OPRPN: variants seen among roughly 807,000 people sequenced by gnomAD.
OPRPN encodes the protein opiorphin prepropeptide, also known as basic proline-rich lacrimal protein.
OPRPN carries 1 observed loss-of-function variant against 2.2 expected under a neutral mutation model. The observed-to-expected ratio is 0.45, with a 90% CI of 0.16 to 2.15. The LOEUF (loss-of-function observed/expected upper bound fraction) is 2.15. Ranked by LOEUF, OPRPN falls within the 30% of genes most tolerant of loss-of-function variation. The pLI is 0.28. For missense variants in OPRPN, 306 were observed against 297.3 expected (o/e 1.03, Z -0.21); for synonymous variants, 126 against 111.5 (o/e 1.13, Z -0.82).
intron 1 of OPRPN, among the ~76,000 whole-genome samples, chr4:70,398,538 C>G (rs935901486): frequency 6.6e-6 from 1 of 151,870 alleles, no homozygotes; most frequent in African/African-American, 2.4e-5. Context: ...ATGACAGATA[C>G]CACATAAACC....
rs867980290 is a variant in OPRPN at position 70,409,942 on chromosome 4, C to T, written c.614C>T (p.Thr205Ile). 2 of 1,614,090 alleles carry T rather than the reference C, an allele frequency of 1.2e-6. No homozygotes were observed. The highest frequency in any genetic ancestry group is 8.5e-7 in the Non-Finnish European group (1 of 1,179,924). Reference protein sequence around the residue: ...ATPAASTENTTQILANRPHTV... With the variant: ...ATPAASTENTIQILANRPHTV... ...CCCGCAGCATCTACTGAAAATACTACTCAAATTCTCGCCAACCGTCCTCAC... is the reference window on the plus strand; with the variant it reads ...CCCGCAGCATCTACTGAAAATACTATTCAAATTCTCGCCAACCGTCCTCAC... The change falls in exon 3 of 3, where the codon ACT becomes ATT. Residue 205 changes from threonine (T) to isoleucine (I), a missense_variant. Thr to Ile is a moderately conservative substitution (Grantham distance 89). Transcript: ENST00000399575.
chr4:70,410,180 AGTAT>A lies in OPRPN; in HGVS notation c.*106_*109del. The A allele has an allele frequency of 1.2e-6, 1 of 816,630 alleles. No homozygotes were observed. Among genetic ancestry groups the A allele is most frequent in the Non-Finnish European group, 1.8e-6 (1 of 546,730 alleles). The allele number at this position is 816,630 out of a possible 1,614,324, so 50.6% of individuals were successfully genotyped here. A position where few individuals can be genotyped will look rare whatever the true frequency, so the allele number is the denominator to read the frequency against. On this transcript the variant is annotated 3_prime_UTR_variant, in exon 3 of 3. Transcript: ENST00000399575. ...CTGATCTAACCAGCACACTAAATAA[AGTAT>A]TTGAGCAATAATATGCACCTATTGC... is the stretch of plus-strand genomic sequence containing the variant.
intron 2 of OPRPN, among the ~76,000 whole-genome samples, chr4:70,405,940 CTCCTGTGG>C (rs1355305523): frequency 3.9e-5 from 6 of 152,034 alleles, no homozygotes; most frequent in African/African-American, 1.4e-4. Context: ...TGGTGGTGCA[CTCCTGTGG>C]TCACAGCTAC....
intron 2 of OPRPN, among the ~76,000 whole-genome samples, chr4:70,406,289 T>A (rs1733089252): frequency 6.6e-6 from 1 of 151,522 alleles, no homozygotes; most frequent in African/African-American, 2.4e-5. Flanking sequence ...AGGCACTGAC[T>A]AAGATACTAA....
At position 70,398,376 on chromosome 4, in the gene OPRPN, G is replaced by T. The variant is rs116649743; in HGVS notation, c.-16+336G>T. Among the ~76,000 whole-genome samples, 495 of 151,906 alleles carry T rather than the reference G, an allele frequency of 3.3e-3. 8 individuals are homozygous for T. The highest frequency in any genetic ancestry group is 0.011 in the African/African-American group (454 of 41,494). On this transcript the variant is annotated intron_variant, in intron 1 of 2. Coordinates refer to ENST00000399575, the MANE Select transcript of OPRPN (RefSeq NM_021225.5). ...ATTAAGTTAGATTTGCATTTTTGTT[G>T]TTCTTGTTTGAGTTAGGTTTCTTAT... is the stretch of plus-strand genomic sequence containing the variant.
chr4:70,408,314 A>G (rs2109772646), intron 2 of OPRPN, among the ~76,000 whole-genome samples: 1 of 152,198 alleles, frequency 6.6e-6, no homozygotes, highest in South Asian at 2.1e-4. Context: ...AATAGAACCT[A>G]TATTTTCTTG....
intron 2 of OPRPN, among the ~76,000 whole-genome samples, chr4:70,405,035 T>C (rs763077286): frequency 1.3e-5 from 2 of 152,206 alleles, no homozygotes; most frequent in Non-Finnish European, 2.9e-5. Context: ...AGAAGTATAT[T>C]ACAAAAGTAT....
At chr4:70,400,380 A>T (rs1732951801) in intron 2 of OPRPN, among the ~76,000 whole-genome samples, 1 of 152,004 alleles carries the variant, frequency 6.6e-6, no homozygotes, top group Non-Finnish European at 1.5e-5. Flanking sequence ...ATATTTAATG[A>T]CATCTGTATT....
At position 70,409,536 on chromosome 4, in the gene OPRPN, G is replaced by A. The variant is rs1312853995; in HGVS notation, c.208G>A (p.Val70Ile). 2 of 1,613,878 alleles carry A rather than the reference G, an allele frequency of 1.2e-6. No individual in the cohort carries two copies. The highest frequency in any genetic ancestry group is 1.3e-5 in the African/African-American group (1 of 74,962). ...PLSLPFVPGR[V>I]PPSSFSRFSQ... Reference sequence around the variant, plus strand: ...TTCTCTTCCCTTTGTCCCAGGGCGAGTTCCACCATCTTCTTTCTCTCGATT... The same window carrying A: ...TTCTCTTCCCTTTGTCCCAGGGCGAATTCCACCATCTTCTTTCTCTCGATT... Residue 70 changes from valine (V) to isoleucine (I), a missense_variant, in exon 3 of 3, where the codon GTT becomes ATT. Coordinates refer to ENST00000399575, the MANE Select transcript of OPRPN (RefSeq NM_021225.5).
At position 70,404,738 on chromosome 4, in the gene OPRPN, C is replaced by A. The variant is rs1391081253; in HGVS notation, c.52-4642C>A. ...CCATAAGACTTAGAAGGCGGGGATACAAAGTCCTTACCCCTACCTACAAGA... is the reference window on the plus strand; with the variant it reads ...CCATAAGACTTAGAAGGCGGGGATAAAAAGTCCTTACCCCTACCTACAAGA... On this transcript the variant is annotated intron_variant, in intron 2 of 2. Transcript: ENST00000399575. Among the ~76,000 whole-genome samples the A allele has an allele frequency of 5.9e-5, 9 of 152,168 alleles. No individual in the cohort carries two copies. In the East Asian group the frequency reaches 1.7e-3, roughly 29 times the overall value.
At chr4:70,404,080 T>C (rs80301293) in intron 2 of OPRPN, among the ~76,000 whole-genome samples, 2,614 of 152,282 alleles carry the variant, frequency 0.017, 58 homozygotes, top group African/African-American at 0.052. Flanking sequence ...CTTCTTTTCC[T>C]GTTCTGTCTT....
At chr4:70,401,168 G>T (rs1022703782) in intron 2 of OPRPN, among the ~76,000 whole-genome samples, 20 of 151,996 alleles carry the variant, frequency 1.3e-4, no homozygotes, top group African/African-American at 4.8e-4. Context: ...AAAGAGTATA[G>T]AATCCCATTT....
chr4:70,400,068 C>T (rs1488478459), intron 2 of OPRPN, among the ~76,000 whole-genome samples: 3 of 151,816 alleles, frequency 2.0e-5, no homozygotes, highest in Admixed American at 6.6e-5. Context: ...TAGCATGATA[C>T]GAATTTCAGA....
chr4:70,408,207 G>C (rs1733133943), intron 2 of OPRPN, among the ~76,000 whole-genome samples: 1 of 152,194 alleles, frequency 6.6e-6, no homozygotes, highest in Admixed American at 6.5e-5. Context: ...ATATGGCAGA[G>C]ACACAGGAAG....
intron 2 of OPRPN, chr4:70,399,545 T>A: frequency 2.1e-6 from 1 of 470,960 alleles, no homozygotes; most frequent in South Asian, 3.4e-5. Flanking sequence ...GACAGTGGAC[T>A]GCAGGAAGAG....
intron 2 of OPRPN, among the ~76,000 whole-genome samples, chr4:70,408,472 T>G (rs1167250786): frequency 2.0e-5 from 3 of 152,234 alleles, no homozygotes; most frequent in African/African-American, 7.2e-5. Context: ...TTCATCTAAA[T>G]TACTAAAATT....
intron 2 of OPRPN, among the ~76,000 whole-genome samples, chr4:70,403,928 G>C (rs1733035987): frequency 6.6e-6 from 1 of 151,908 alleles, no homozygotes; most frequent in African/African-American, 2.4e-5. Flanking sequence ...CTAAATATCA[G>C]CAATTTTTCC....
intron 2 of OPRPN, among the ~76,000 whole-genome samples, chr4:70,400,071 A>G (rs1365334587): frequency 2.6e-5 from 4 of 151,952 alleles, no homozygotes; most frequent in African/African-American, 4.8e-5. Context: ...CATGATACGA[A>G]TTTCAGAGTA....
At chr4:70,399,198 T>G in intron 1 of OPRPN, 73 bp from the exon 2 acceptor site, 1 of 1,069,912 alleles carries the variant, frequency 9.3e-7, no homozygotes, top group Non-Finnish European at 1.4e-6. Context: ...GTTAAAATGT[T>G]TTAAAAAATT....
Sources: allele counts gnomAD v4.1 joint callset (sites outside exome capture counted in the v4.1 genomes callset), GRCh38; gene constraint gnomAD v4.1.1; transcripts MANE v1.5; gene names NCBI Gene and HGNC (gene_info 2026-07-23, HGNC 2026-07-21).